TTC7A: variants seen among roughly 807,000 people sequenced by gnomAD.
The protein encoded by TTC7A is tetratricopeptide repeat domain 7A.
In TTC7A, 110 loss-of-function variants were observed where a neutral mutation model predicts 103.7. That is an observed-to-expected ratio of 1.06 (90% CI 0.91 to 1.24). The LOEUF is 1.24. TTC7A is among the 50% of genes most tolerant of loss of function. TTC7A has a pLI of 0.00. For synonymous variants in TTC7A, 521 were observed against 467.9 expected (o/e 1.11, Z -1.47); for missense variants, 1,340 against 1,116.3 (o/e 1.20, Z -2.86).
intron 15 of TTC7A, among the ~76,000 whole-genome samples, chr2:47,037,658 C>G (rs1188165320): frequency 6.6e-6 from 1 of 152,216 alleles, no homozygotes; most frequent in Non-Finnish European, 1.5e-5. Flanking sequence ...GCACCCAGTG[C>G]TGGCTCCAGC....
chr2:47,046,227 C>A, intron 15 of TTC7A, 88 bp from the exon 16 acceptor site: 1 of 974,654 alleles, frequency 1.0e-6, no homozygotes, highest in Non-Finnish European at 1.6e-6. Flanking sequence ...GGGAGGTGAG[C>A]ATGTGGAGCC....
At chr2:46,933,666 C>T (rs961396092) in intron 2 of TTC7A, among the ~76,000 whole-genome samples, 14 of 152,198 alleles carry the variant, frequency 9.2e-5, no homozygotes, top group African/African-American at 3.1e-4. Flanking sequence ...CCGAATGTAG[C>T]GATCCTGAGC....
At chr2:46,975,329 C>T (rs940678114) in intron 4 of TTC7A, among the ~76,000 whole-genome samples, 13 of 152,252 alleles carry the variant, frequency 8.5e-5, no homozygotes, top group East Asian at 7.7e-4. Flanking sequence ...CCATGCCATC[C>T]GCTAGGATGT....
At chr2:47,054,362 C>T (rs1390794458) in intron 18 of TTC7A, among the ~76,000 whole-genome samples, 1 of 152,196 alleles carries the variant, frequency 6.6e-6, no homozygotes, top group African/African-American at 2.4e-5. Context: ...GCCACATTCA[C>T]ATTCCAAGGC....
In TTC7A at chr2:47,021,847, C is replaced by G. The variant is rs1231479215; in HGVS notation, c.1393-15C>G. The G allele has an allele frequency of 1.4e-5, 23 of 1,606,606 alleles. No individual in the cohort carries two copies. The highest frequency in any genetic ancestry group is 1.9e-5 in the Non-Finnish European group (22 of 1,173,192). On this transcript the variant is annotated splice_polypyrimidine_tract_variant and intron_variant, in intron 11 of 19. Transcript: ENST00000319190. ...CCAACCCCACCTCCATGACCTCTGTCTCTCCTCTTTGCAGCTAGAGGAAGC... is the reference window on the plus strand; with the variant it reads ...CCAACCCCACCTCCATGACCTCTGTGTCTCCTCTTTGCAGCTAGAGGAAGC...
intron 19 of TTC7A, chr2:47,065,649 G>C (rs796892112): frequency 2.4e-4 from 36 of 152,312 alleles, no homozygotes; most frequent in African/African-American, 8.4e-4. Context: ...CTTCTCAGTT[G>C]CCTTCAGCTC....
chr2:47,041,481 G>A (rs1420355788), intron 15 of TTC7A, among the ~76,000 whole-genome samples: 13 of 152,282 alleles, frequency 8.5e-5, no homozygotes, highest in African/African-American at 1.2e-4. Flanking sequence ...CGCCAGTCGC[G>A]GTGGCTCAAG....
At chr2:47,071,968 C>G (rs540182885) in intron 19 of TTC7A, among the ~76,000 whole-genome samples, 1 of 152,356 alleles carries the variant, frequency 6.6e-6, no homozygotes, top group Admixed American at 6.5e-5. Context: ...TGGCTCCCTC[C>G]TGGGCAGAAC....
chr2:47,020,081 C>T (rs977331821), intron 11 of TTC7A, among the ~76,000 whole-genome samples: 6 of 152,160 alleles, frequency 3.9e-5, no homozygotes, highest in Non-Finnish European at 7.3e-5. Context: ...CAGGTGTGTG[C>T]CTCCTGTGTC....
chr2:47,056,471 A>C (rs571252383), intron 18 of TTC7A, among the ~76,000 whole-genome samples: 1 of 152,312 alleles, frequency 6.6e-6, no homozygotes, highest in African/African-American at 2.4e-5. Flanking sequence ...TACCCTGCTC[A>C]TTAGCACAGG....
intron 8 of TTC7A, among the ~76,000 whole-genome samples, chr2:47,002,791 A>C (rs1440029937): frequency 6.6e-6 from 1 of 151,578 alleles, no homozygotes; most frequent in African/African-American, 2.4e-5. Context: ...GGCACTGCCC[A>C]GCAACCACCA....
rs2104457522 is a variant in TTC7A, at chr2:47,006,723, AG to A, written c.1287+1del. ...GCCCTCTCCATGGTGGCTTGTGGGA[AG>A]GTAAGGCCCAGGGGGCGCTAGGGGT... is the stretch of plus-strand genomic sequence containing the variant. ...QVALSMVACGKSAYAVSLLRE... is the reference protein window; with the variant it reads ...QVALSMVACGXSAYAVSLLRE... On this transcript the variant is annotated frameshift_variant and splice_region_variant, in exon 10 of 20. Coordinates refer to ENST00000319190, the MANE Select transcript of TTC7A (RefSeq NM_020458.4). LOFTEE classifies it high-confidence loss of function. 1 of 1,613,024 alleles carries A rather than the reference AG, an allele frequency of 6.2e-7. No homozygotes were observed. The highest frequency in any genetic ancestry group is 8.5e-7 in the Non-Finnish European group (1 of 1,178,946).
chr2:46,954,005 G>C (rs979049102), intron 2 of TTC7A, among the ~76,000 whole-genome samples: 1 of 151,914 alleles, frequency 6.6e-6, no homozygotes, highest in Admixed American at 6.6e-5. Flanking sequence ...TCACAACCCA[G>C]GCCTTTAGTG....
At chr2:46,994,565 G>A (rs1290311395) in intron 7 of TTC7A, 51 bp downstream of exon 7, 2 of 1,586,934 alleles carry the variant, frequency 1.3e-6, no homozygotes, top group Admixed American at 1.7e-5. Context: ...TCTCACGCAG[G>A]GTTCTGTCCC....
intron 5 of TTC7A, among the ~76,000 whole-genome samples, chr2:46,982,699 C>G (rs1013925415): frequency 6.6e-6 from 1 of 152,234 alleles, no homozygotes; most frequent in Non-Finnish European, 1.5e-5. Context: ...GCCTGGAATT[C>G]ATGCCTGTAA....
intron 5 of TTC7A, among the ~76,000 whole-genome samples, chr2:46,989,774 A>G (rs750221310): frequency 4.0e-5 from 6 of 151,736 alleles, no homozygotes; most frequent in South Asian, 2.1e-4. Context: ...AAGATGCATA[A>G]TGTGCAGTCC....
chr2:46,949,044 G>T (rs1029545395), intron 1 of TTC7A, among the ~76,000 whole-genome samples: 23 of 152,146 alleles, frequency 1.5e-4, no homozygotes, highest in African/African-American at 4.8e-4. Flanking sequence ...CCTCACCCCA[G>T]TTGCTGGGAG....
At chr2:46,968,934 GTTT>G (rs34000426) in intron 3 of TTC7A, among the ~76,000 whole-genome samples, 2 of 140,580 alleles carry the variant, frequency 1.4e-5, no homozygotes, top group Non-Finnish European at 3.1e-5. Context: ...TTGTTTTTGT[GTTT>G]TTTTTTTTTT....
At chr2:47,009,918 CA>C (rs1436467408) in intron 10 of TTC7A, among the ~76,000 whole-genome samples, 31 of 69,540 alleles carry the variant, frequency 4.5e-4, no homozygotes, top group African/African-American at 5.5e-4. Flanking sequence ...GTGGGGGGGA[CA>C]GGGGAGGGGG....
Sources: allele counts gnomAD v4.1 joint callset (sites outside exome capture counted in the v4.1 genomes callset), GRCh38; gene constraint gnomAD v4.1.1; transcripts MANE v1.5; gene names NCBI Gene and HGNC (gene_info 2026-07-23, HGNC 2026-07-21).